Variants in INTS6 observed in about 807,000 individuals in gnomAD.
INTS6 encodes integrator complex subunit 6.
INTS6 carries 16 observed loss-of-function variants against 104.9 expected under a neutral mutation model. That is an observed-to-expected ratio of 0.15 (90% CI 0.10 to 0.23). The LOEUF is 0.23. Among genes scored for constraint, INTS6 ranks in the 10% least tolerant of loss-of-function variants. INTS6 has a pLI of 1.00. For missense variants in INTS6, 584 were observed against 1,062.8 expected (o/e 0.55, Z 6.26); for synonymous variants, 324 against 358.7 (o/e 0.90, Z 1.09).
chr13:51,378,128 A>C (rs745754662), intron 12 of INTS6, 111 bp downstream of exon 12: 53 of 770,034 alleles, frequency 6.9e-5, no homozygotes, highest in Non-Finnish European at 1.1e-4. Context: ...AAGAGTACAG[A>C]AGTACTCTTT....
rs754391935 is a variant in INTS6, at chr13:51,388,354, T to TTG, written c.740-816_740-815dup. Among the ~76,000 whole-genome samples the TTG allele has an allele frequency of 4.1e-3, 620 of 151,186 alleles. 7 individuals carry two copies. The highest frequency in any genetic ancestry group is 0.03 in the East Asian group (151 of 5,008). ...TATCATTAAATGATTCTCTAAATCT[T>TTG]TGTGTGTGTGTGTGTTTTGTTTTTT... is the stretch of plus-strand genomic sequence containing the variant. On this transcript the variant is annotated intron_variant, in intron 6 of 17. Transcript: ENST00000311234.
intron 5 of INTS6, among the ~76,000 whole-genome samples, chr13:51,393,358 A>G (rs61956945): frequency 0.046 from 6,944 of 152,244 alleles, 187 homozygotes; most frequent in East Asian, 0.1. Context: ...GATTACAGGC[A>G]TGAGCCACCG....
chr13:51,374,488 A>C (rs1288479847), intron 14 of INTS6, 49 bp from the exon 15 acceptor site: 5 of 1,576,442 alleles, frequency 3.2e-6, no homozygotes, highest in Admixed American at 1.7e-5. Flanking sequence ...ACAATGTTTA[A>C]ATGGCACAAC....
Position 51,406,444 on chromosome 13 carries a change from T to TTACGTCACCTCCTCC in INTS6, c.430-10962_430-10961insGGAGGAGGTGACGTA, listed in dbSNP as rs1566229851. On this transcript the variant is annotated intron_variant, in intron 4 of 17. Coordinates refer to ENST00000311234, the MANE Select transcript of INTS6 (RefSeq NM_012141.3). ...GAATAATGGATAACCACCTCCTCCCTGTTTCTTACGTCACCTCCTCCCTGT... is the reference window on the plus strand; with the variant it reads ...GAATAATGGATAACCACCTCCTCCCTTACGTCACCTCCTCCGTTTCTTACGTCACCTCCTCCCTGT... Among the ~76,000 whole-genome samples, 3 of 118,746 alleles carry TTACGTCACCTCCTCC rather than the reference T, an allele frequency of 2.5e-5. No homozygotes were observed. In the East Asian group the frequency reaches 7.4e-4, roughly 29 times the overall value. The allele number at this position is 118,746 out of a possible 152,430, so 77.9% of individuals were successfully genotyped here.
At chr13:51,414,045 G>C (rs1259504436) in intron 4 of INTS6, among the ~76,000 whole-genome samples, 1 of 152,178 alleles carries the variant, frequency 6.6e-6, no homozygotes, top group Non-Finnish European at 1.5e-5. Context: ...CCAAATTCTA[G>C]TTGATGGAGT....
intron 4 of INTS6, among the ~76,000 whole-genome samples, chr13:51,403,611 A>AAAAAGAAAAAG (rs1197670809): frequency 6.6e-6 from 1 of 151,190 alleles, no homozygotes; most frequent in Non-Finnish European, 1.5e-5. Flanking sequence ...AAAAGAAAAA[A>AAAAAGAAAAAG]AAAAAAAGAA....
intron 11 of INTS6, 122 bp downstream of exon 11, chr13:51,379,340 T>A: frequency 2.3e-6 from 1 of 444,372 alleles, no homozygotes; most frequent in East Asian, 3.5e-5. Flanking sequence ...GGCTCTAAAA[T>A]GTAATATATT....
chr13:51,344,460 C>G, the INTS6 span: 12 of 1,596,630 alleles, frequency 7.5e-6, no homozygotes, highest in Non-Finnish European at 1.0e-5. Context: ...TCCAGACTAG[C>G]GAAGGGGCCT....
chr13:51,433,920 G>C (rs773354035), intron 3 of INTS6, among the ~76,000 whole-genome samples: 1 of 152,124 alleles, frequency 6.6e-6, no homozygotes, highest in Non-Finnish European at 1.5e-5. Flanking sequence ...AACTTAGTGA[G>C]GTAAAATATT....
the INTS6 span, chr13:51,340,835 CCA>C: frequency 1.8e-6 from 1 of 552,120 alleles, no homozygotes; most frequent in Non-Finnish European, 3.2e-6. Context: ...ATCTTCAGAC[CCA>C]CAGTTTGGCT....
At chr13:51,347,040 A>AG in the INTS6 span, 230 of 1,584,598 alleles carry the variant, frequency 1.5e-4, no homozygotes, top group Non-Finnish European at 1.8e-4. Flanking sequence ...GGCCCCAGTG[A>AG]GGGCCCTGGT....
intron 3 of INTS6, chr13:51,444,896 T>C (rs1192807089): frequency 2.6e-5 from 4 of 152,006 alleles, no homozygotes; most frequent in African/African-American, 9.7e-5. Flanking sequence ...TGCAAATGTT[T>C]TAAAAGAAAA....
chr13:51,415,226 G>C (rs1416268595), intron 4 of INTS6, among the ~76,000 whole-genome samples: 2 of 151,798 alleles, frequency 1.3e-5, no homozygotes, highest in Non-Finnish European at 2.9e-5. Context: ...CAATCTCACA[G>C]AAAAGTTGCA....
intron 4 of INTS6, among the ~76,000 whole-genome samples, chr13:51,419,904 A>G (rs1424834047): frequency 6.6e-6 from 1 of 152,240 alleles, no homozygotes; most frequent in African/African-American, 2.4e-5. Flanking sequence ...AGCGATCAGC[A>G]AACTATAGCC....
At chr13:51,342,178 CAAAAAA>C in the INTS6 span, among the ~76,000 whole-genome samples, 844 of 63,580 alleles carry the variant, frequency 0.013, 5 homozygotes, top group Non-Finnish European at 0.019. Context: ...AAAGACAGAA[CAAAAAA>C]AAAAAAAAAA....
intron 5 of INTS6, among the ~76,000 whole-genome samples, chr13:51,394,891 A>G (rs1956308290): frequency 6.6e-6 from 1 of 152,212 alleles, no homozygotes; most frequent in Admixed American, 6.5e-5. Flanking sequence ...CCTTTAATCT[A>G]TCAATCTCTT....
intron 17 of INTS6, 48 bp from the exon 18 acceptor site, chr13:51,365,893 T>C (rs1248840227): frequency 9.8e-7 from 1 of 1,022,108 alleles, no homozygotes; most frequent in South Asian, 1.7e-5. Context: ...TAATGAATAG[T>C]ATATATCAGT....
At chr13:51,433,822 C>T (rs1414664955) in intron 3 of INTS6, among the ~76,000 whole-genome samples, 1 of 152,146 alleles carries the variant, frequency 6.6e-6, no homozygotes, top group Admixed American at 6.6e-5. Context: ...TACCCTTAAA[C>T]GGGCCTGAAA....
the INTS6 span, chr13:51,346,967 G>C: frequency 1.5e-6 from 2 of 1,302,844 alleles, no homozygotes; most frequent in Non-Finnish European, 2.2e-6. Flanking sequence ...CACACACTGG[G>C]TTCGGTTCAG....
Sources: allele counts gnomAD v4.1 joint callset (sites outside exome capture counted in the v4.1 genomes callset), GRCh38; gene constraint gnomAD v4.1.1; transcripts MANE v1.5; gene names NCBI Gene and HGNC (gene_info 2026-07-23, HGNC 2026-07-21).